The following NME5 variants were observed in gnomAD, a reference collection of about 807,000 sequenced individuals.
The protein encoded by NME5 is nucleoside diphosphate kinase 5.
A neutral mutation model predicts 21.6 loss-of-function variants in NME5; 18 were observed. That is an observed-to-expected ratio of 0.83 (90% confidence interval 0.58 to 1.24). NME5 has a LOEUF of 1.24. NME5 is among the 50% of genes most tolerant of loss of function. The probability of loss-of-function intolerance (pLI) is 0.00; values close to 1 mark genes in which losing one functional copy is unlikely to be tolerated. For missense variants in NME5, 223 were observed against 255.4 expected, an observed-to-expected ratio of 0.87 and a Z score of 0.86; for synonymous variants, 70 against 80.6, an observed-to-expected ratio of 0.87 and a Z score of 0.71.
chr5:138,125,340 A>T (rs903570720), intron 4 of NME5, among the ~76,000 whole-genome samples: 10 of 152,222 alleles, frequency 6.6e-5, no homozygotes, highest in African/African-American at 2.4e-4. Context: ...GAATATAGCA[A>T]AACTTTGAAT....
In NME5 at chr5:138,128,404, A is replaced by G. The variant is rs1751482103; in HGVS notation, c.436+75T>C. On this transcript the variant is annotated intron_variant, in intron 4 of 5. Transcript: ENST00000265191. The stretch of plus-strand genomic sequence containing the variant: ...AAAAAATTATTTTATCTTCCTTCCC[A>G]GCTATATCCGCAAAATAAAAGAAAA... 5.5e-6 allele frequency: 6 copies of G among 1,092,872 alleles called. 1 individual carries two copies. In the East Asian group the frequency reaches 1.2e-4, roughly 22 times the overall value. The allele number at this position is 1,092,872 out of a possible 1,614,324, so 67.7% of individuals were successfully genotyped here.
chr5:138,118,154 C>G (rs1301837058), intron 5 of NME5, among the ~76,000 whole-genome samples: 1 of 151,972 alleles, frequency 6.6e-6, no homozygotes, highest in East Asian at 1.9e-4. Context: ...GAGATGGAGT[C>G]TCGCTCTGTT....
At position 138,129,487 on chromosome 5, in the gene NME5, C is replaced by A; in HGVS notation, c.130-19G>T. 6.3e-7 allele frequency: 1 copy of A among 1,576,948 alleles called. No homozygotes were observed. Among genetic ancestry groups the A allele is most frequent in the South Asian group, 1.1e-5 (1 of 90,114 alleles). On this transcript the variant is annotated intron_variant, in intron 2 of 5. Coordinates refer to ENST00000265191, the MANE Select transcript of NME5 (RefSeq NM_003551.3). Reference sequence around the variant, plus strand: ...TTCTTCTCTATAAAAGACACAAAGTCAACAAAAGCATTTAAAATGACAGTT... The same window carrying A: ...TTCTTCTCTATAAAAGACACAAAGTAAACAAAAGCATTTAAAATGACAGTT...
intron 4 of NME5, 37 bp downstream of exon 4, chr5:138,128,439 TAAG>T (rs746537001): frequency 7.1e-7 from 1 of 1,398,746 alleles, no homozygotes; most frequent in South Asian, 1.2e-5. Flanking sequence ...AAGCAAACAA[TAAG>T]GAGATGCAGT....
intron 2 of NME5, among the ~76,000 whole-genome samples, chr5:138,130,145 C>T (rs1751527897): frequency 6.6e-6 from 1 of 152,202 alleles, no homozygotes; most frequent in Non-Finnish European, 1.5e-5. Context: ...CAGCTAGGCA[C>T]AGTGGCCCAT....
At chr5:138,135,351 T>C (rs1351316666) in intron 2 of NME5, among the ~76,000 whole-genome samples, 1 of 150,664 alleles carries the variant, frequency 6.6e-6, no homozygotes, top group Non-Finnish European at 1.5e-5. Context: ...TTTTTCTTTT[T>C]CAAGACAGAG....
intron 4 of NME5, among the ~76,000 whole-genome samples, chr5:138,124,948 G>A (rs1224988411): frequency 6.6e-6 from 1 of 152,172 alleles, no homozygotes; most frequent in Non-Finnish European, 1.5e-5. Context: ...GTTTGAGACA[G>A]GGTCTCACTC....
chr5:138,126,013 A>G (rs1161362466), intron 4 of NME5, among the ~76,000 whole-genome samples: 2 of 152,172 alleles, frequency 1.3e-5, no homozygotes, highest in Non-Finnish European at 1.5e-5. Context: ...TTGTTCATCA[A>G]CTGCTAAGTA....
Position 138,132,982 on chromosome 5 carries a change from T to C in NME5, c.130-3514A>G, listed in dbSNP as rs575979851. On this transcript the variant is annotated intron_variant, in intron 2 of 5. Coordinates refer to ENST00000265191, the MANE Select transcript of NME5 (RefSeq NM_003551.3). The stretch of plus-strand genomic sequence containing the variant: ...TTTCTTGCTGAGTTTAAAAATAAAA[T>C]CTCATCTGTTGTAATGTAAGCCCTT... Among the ~76,000 whole-genome samples, 5 of 151,632 alleles carry C rather than the reference T, an allele frequency of 3.3e-5. No individual in the cohort carries two copies. In the South Asian group the frequency reaches 1.0e-3, roughly 32 times the overall value.
intron 4 of NME5, among the ~76,000 whole-genome samples, chr5:138,125,201 T>G (rs555164768): frequency 6.6e-6 from 1 of 152,298 alleles, no homozygotes; most frequent in South Asian, 2.1e-4. Context: ...GAATCACAGG[T>G]GTGAGCCACC....
At chr5:138,128,003 C>T (rs1256891931) in intron 4 of NME5, among the ~76,000 whole-genome samples, 1 of 152,170 alleles carries the variant, frequency 6.6e-6, no homozygotes, top group Non-Finnish European at 1.5e-5. Context: ...TACTTGAGCA[C>T]AGGCATCTGA....
intron 4 of NME5, 61 bp from the exon 5 acceptor site, chr5:138,118,997 TA>T (rs1751225406): frequency 3.1e-6 from 3 of 978,106 alleles, no homozygotes; most frequent in East Asian, 5.1e-5. Context: ...ATACAATCAT[TA>T]AAAAGGTTCT....
chr5:138,123,686 A>T (rs1751335785), intron 4 of NME5, among the ~76,000 whole-genome samples: 1 of 152,142 alleles, frequency 6.6e-6, no homozygotes, highest in Admixed American at 6.6e-5. Flanking sequence ...ATTGTGGTTC[A>T]TTGGTGCAGG....
At chr5:138,121,729 T>C (rs3849045) in intron 4 of NME5, among the ~76,000 whole-genome samples, 71,528 of 152,056 alleles carry the variant, frequency 0.47, 17,089 homozygotes, top group East Asian at 0.6. Context: ...ATAGTGGAAG[T>C]CTTCCAACTT....
chr5:138,129,354 T>G lies in NME5; in HGVS notation c.244A>C (p.Met82Leu), dbSNP rs745871868. ...ATGGCTTTATGTCTAGCTAATATCATGGCGACAAGTGGTCCAGAACTCATG... is the reference window on the plus strand; with the variant it reads ...ATGGCTTTATGTCTAGCTAATATCAGGGCGACAAGTGGTCCAGAACTCATG... ...AYMSSGPLVA[M>L]ILARHKAISY... is the part of the protein sequence containing the mutation. The change falls in exon 3 of 6, where the codon ATG (methionine) becomes CTG (leucine). Residue 82 changes from methionine to leucine, a missense_variant. Coordinates refer to ENST00000265191, the MANE Select transcript of NME5 (RefSeq NM_003551.3). 3 of 1,613,990 alleles carry G rather than the reference T, an allele frequency of 1.9e-6. No homozygotes were observed. In the East Asian group the frequency reaches 6.7e-5, roughly 36 times the overall value.
chr5:138,128,133 C>T (rs987227426), intron 4 of NME5, among the ~76,000 whole-genome samples: 3 of 152,074 alleles, frequency 2.0e-5, no homozygotes, highest in Non-Finnish European at 4.4e-5. Flanking sequence ...GGAGGATCAC[C>T]GGAGCCCAGG....
chr5:138,118,424 T>A (rs1751210964), intron 5 of NME5, among the ~76,000 whole-genome samples: 1 of 151,732 alleles, frequency 6.6e-6, no homozygotes, highest in African/African-American at 2.4e-5. Flanking sequence ...TGCGCCCAGC[T>A]ATATTCGCAG....
chr5:138,127,326 A>G (rs1025243270), intron 4 of NME5: 1 of 362,238 alleles, frequency 2.8e-6, no homozygotes, highest in Non-Finnish European at 3.8e-6. Flanking sequence ...TGTGAAATGT[A>G]TTTATTTTGA....
intron 4 of NME5, among the ~76,000 whole-genome samples, chr5:138,121,626 T>A (rs571332261): frequency 6.6e-6 from 1 of 152,164 alleles, no homozygotes; most frequent in Admixed American, 6.5e-5. Context: ...TACTTCTAGA[T>A]CCTCAATTCT....
Sources: gnomAD v4.1 joint callset for allele counts (sites outside exome capture counted in the v4.1 genomes callset) on GRCh38, gnomAD v4.1.1 for gene constraint, MANE v1.5 for transcripts, NCBI Gene and HGNC (gene_info 2026-07-23, HGNC 2026-07-21) for gene names.